UBE2Q2: variants seen among roughly 807,000 people sequenced by gnomAD.
UBE2Q2 encodes ubiquitin-conjugating enzyme E2 Q2.
In UBE2Q2, 54 loss-of-function variants were observed where a neutral mutation model predicts 59.9. The observed-to-expected ratio is 0.90, with a 90% CI of 0.72 to 1.13. The LOEUF is 1.13. Ranked by LOEUF, UBE2Q2 falls within the 50% of genes most tolerant of loss-of-function variation. The probability of loss-of-function intolerance (pLI) is 0.00; values close to 1 mark genes in which losing one functional copy is unlikely to be tolerated. For missense variants in UBE2Q2, 433 were observed against 441.9 expected (o/e 0.98, Z 0.18); for synonymous variants, 165 against 155.2 (o/e 1.06, Z -0.47).
chr15:75,889,675 T>C (rs1898985792), intron 9 of UBE2Q2, among the ~76,000 whole-genome samples: 1 of 152,232 alleles, frequency 6.6e-6, no homozygotes, highest in African/African-American at 2.4e-5. Context: ...TCTTAGCTTT[T>C]GTGTTTTCAA....
intron 2 of UBE2Q2, among the ~76,000 whole-genome samples, chr15:75,856,117 G>A (rs1358454887): frequency 6.6e-6 from 1 of 151,836 alleles, no homozygotes; most frequent in Admixed American, 6.6e-5. Context: ...AGCTTGGGAG[G>A]TGGAGATTGC....
chr15:75,878,517 C>T lies in UBE2Q2; in HGVS notation c.734+496C>T, dbSNP rs1898209740. Among the ~76,000 whole-genome samples the T allele has an allele frequency of 4.1e-5, 6 of 147,270 alleles. No homozygotes were observed. The South Asian group carries it at 1.3e-3, about 32-fold the overall frequency. On this transcript the variant is annotated intron_variant, in intron 7 of 12. Transcript: ENST00000267938. ...GGGAGGCTGAGGCAGGAAGATCTTG[C>T]ACTCCAGACATCAAGGCTGCAGTGA...
intron 1 of UBE2Q2, 149 bp from the exon 2 acceptor site, chr15:75,854,237 G>T: frequency 1.9e-6 from 1 of 526,620 alleles, no homozygotes; most frequent in Non-Finnish European, 3.3e-6. Context: ...CAAAAGTCCA[G>T]CTCCTCACAA....
chr15:75,896,672 T>C (rs1206254679), intron 11 of UBE2Q2, among the ~76,000 whole-genome samples: 1 of 152,210 alleles, frequency 6.6e-6, no homozygotes, highest in Non-Finnish European at 1.5e-5. Context: ...CATCCAGATA[T>C]AATCCTTTAA....
intron 3 of UBE2Q2, among the ~76,000 whole-genome samples, chr15:75,866,076 A>T (rs1046511050): frequency 3.3e-5 from 5 of 152,048 alleles, no homozygotes; most frequent in African/African-American, 1.2e-4. Flanking sequence ...TCTGATGCCT[A>T]TCTCATTCTT....
intron 4 of UBE2Q2, among the ~76,000 whole-genome samples, chr15:75,871,215 T>C (rs2141609619): frequency 6.6e-6 from 1 of 152,384 alleles, no homozygotes; most frequent in South Asian, 2.1e-4. Context: ...GCAGTATTGC[T>C]GCCCGCATGT....
intron 1 of UBE2Q2, among the ~76,000 whole-genome samples, chr15:75,845,673 T>C (rs1385027865): frequency 6.6e-6 from 1 of 151,444 alleles, no homozygotes; most frequent in Non-Finnish European, 1.5e-5. Flanking sequence ...GGGGGTGGGG[T>C]GGTCTTATTG....
At chr15:75,875,754 C>CT (rs1013990257) in intron 5 of UBE2Q2, among the ~76,000 whole-genome samples, 41 of 151,870 alleles carry the variant, frequency 2.7e-4, no homozygotes, top group African/African-American at 9.4e-4. Context: ...TTTAATTGGG[C>CT]TTTTTTTTAC....
At chr15:75,870,309 T>C (rs1897717862) in intron 4 of UBE2Q2, among the ~76,000 whole-genome samples, 2 of 152,140 alleles carry the variant, frequency 1.3e-5, no homozygotes, top group Non-Finnish European at 2.9e-5. Context: ...CCTCAAGTGA[T>C]CCACCACTGG....
At chr15:75,874,862 A>T (rs1192927456) in intron 5 of UBE2Q2, among the ~76,000 whole-genome samples, 1 of 152,250 alleles carries the variant, frequency 6.6e-6, no homozygotes, top group Non-Finnish European at 1.5e-5. Context: ...AGTAGCAGTT[A>T]CTTTGTCTTG....
At chr15:75,892,767 T>A (rs1350923759) in intron 11 of UBE2Q2, among the ~76,000 whole-genome samples, 2 of 152,090 alleles carry the variant, frequency 1.3e-5, no homozygotes, top group Non-Finnish European at 2.9e-5. Flanking sequence ...TCTCAGCTAC[T>A]CAGGAGGCTG....
In UBE2Q2 at chr15:75,873,483, A is replaced by G. The variant is rs749229052; in HGVS notation, c.503A>G (p.Lys168Arg). The change falls in exon 5 of 13, where the codon AAA (lysine) becomes AGA (arginine). Residue 168 changes from lysine to arginine, a missense_variant. By Grantham distance (26) the Lys-to-Arg change is conservative. Coordinates refer to ENST00000267938, the MANE Select transcript of UBE2Q2 (RefSeq NM_173469.4). ...EMKEEEPISGKKSEDEGIEKE... is the reference protein window; with the variant it reads ...EMKEEEPISGRKSEDEGIEKE... ...AAGGAAGAAGAGCCTATTAGTGGGA[A>G]AAAGTCAGAGGATGAAGGAATTGAA... 1.2e-6 allele frequency: 2 copies of G among 1,613,840 alleles called. No individual in the cohort carries two copies. Among genetic ancestry groups the G allele is most frequent in the Admixed American group, 3.3e-5 (2 of 60,008 alleles).
intron 10 of UBE2Q2, 92 bp from the exon 11 acceptor site, chr15:75,890,827 G>C (rs1899056566): frequency 2.9e-6 from 3 of 1,026,594 alleles, no homozygotes; most frequent in African/African-American, 3.2e-5. Flanking sequence ...ACACTGATTT[G>C]CTGCTGTTGA....
intron 4 of UBE2Q2, among the ~76,000 whole-genome samples, chr15:75,869,620 G>GCT (rs1456381375): frequency 6.6e-6 from 1 of 152,198 alleles, no homozygotes; most frequent in African/African-American, 2.4e-5. Flanking sequence ...AGGAGAGCAA[G>GCT]CTAGTCCATT....
chr15:75,853,366 G>A (rs1202659529), intron 1 of UBE2Q2, among the ~76,000 whole-genome samples: 1 of 152,122 alleles, frequency 6.6e-6, no homozygotes, highest in Non-Finnish European at 1.5e-5. Flanking sequence ...AGCTACTCGG[G>A]AGGCTGAGGC....
At chr15:75,858,322 C>G (rs534977048) in intron 2 of UBE2Q2, among the ~76,000 whole-genome samples, 1 of 152,082 alleles carries the variant, frequency 6.6e-6, no homozygotes, top group Non-Finnish European at 1.5e-5. Context: ...TTTAAATTTG[C>G]GTTTACCCAC....
chr15:75,894,996 C>CT (rs1899318359), intron 11 of UBE2Q2: 1 of 151,826 alleles, frequency 6.6e-6, no homozygotes, highest in African/African-American at 2.4e-5. Context: ...ACCATCCTGG[C>CT]TAACACGGTG....
chr15:75,890,170 T>C (rs1899014432), intron 9 of UBE2Q2, among the ~76,000 whole-genome samples: 1 of 152,222 alleles, frequency 6.6e-6, no homozygotes, highest in Admixed American at 6.5e-5. Flanking sequence ...AGTTCTTAAT[T>C]ACTGATATCA....
At chr15:75,882,143 G>A (rs879432865) in intron 8 of UBE2Q2, among the ~76,000 whole-genome samples, 11 of 152,156 alleles carry the variant, frequency 7.2e-5, no homozygotes, top group Non-Finnish European at 1.5e-4. Context: ...GTGAGGAAGC[G>A]ATTTGTAACT....
Sources: allele counts gnomAD v4.1 joint callset (sites outside exome capture counted in the v4.1 genomes callset), GRCh38; gene constraint gnomAD v4.1.1; transcripts MANE v1.5; gene names NCBI Gene and HGNC (gene_info 2026-07-23, HGNC 2026-07-21).